Variants in RSPO3 observed in about 807,000 individuals in gnomAD.
The protein encoded by RSPO3 is R-spondin 3.
A neutral mutation model predicts 36.5 loss-of-function variants in RSPO3; 17 were observed. That is an observed-to-expected ratio of 0.47 (90% CI 0.32 to 0.70). The LOEUF is 0.70. Among genes scored for constraint, RSPO3 ranks in the 30% least tolerant of loss-of-function variants. The pLI is 0.04. For missense variants in RSPO3, 294 were observed against 322.5 expected (o/e 0.91, Z 0.68); for synonymous variants, 108 against 107.0 (o/e 1.01, Z -0.06).
Position 127,148,772 on chromosome 6 carries a change from A to G in RSPO3, c.222A>G (p.Gly74=). 11 of 1,613,204 alleles carry G rather than the reference A, an allele frequency of 6.8e-6. No homozygotes were observed. The highest frequency in any genetic ancestry group is 9.3e-6 in the Non-Finnish European group (11 of 1,179,354). ...AAAGAATTGGCATGAAGCAGATTGG[A>G]GTATGTCTCTCTTCATGTCCAAGTG... ...ALERIGMKQI[G]VCLSSCPSGY... is the part of the protein sequence containing the mutation. The change falls in exon 2 of 5, where the codon GGA becomes GGG. Residue 74 remains glycine, a synonymous_variant. Coordinates refer to ENST00000356698, the MANE Select transcript of RSPO3 (RefSeq NM_032784.5).
At chr6:127,190,098 C>T (rs1364481856) in intron 4 of RSPO3, among the ~76,000 whole-genome samples, 2 of 152,150 alleles carry the variant, frequency 1.3e-5, no homozygotes, top group Non-Finnish European at 2.9e-5. Flanking sequence ...AGCAATTCCT[C>T]TTCCTTGCAA....
chr6:127,126,628 C>A (rs1028816753), intron 1 of RSPO3, among the ~76,000 whole-genome samples: 2 of 152,044 alleles, frequency 1.3e-5, no homozygotes, highest in African/African-American at 2.4e-5. Context: ...TAATGAAAGG[C>A]AAGTTTACAT....
intron 1 of RSPO3, among the ~76,000 whole-genome samples, chr6:127,125,631 A>G (rs1773925100): frequency 6.6e-6 from 1 of 152,166 alleles, no homozygotes; most frequent in Non-Finnish European, 1.5e-5. Context: ...TTGAGTACAA[A>G]CAAACATAAA....
chr6:127,125,087 C>T (rs992780776), intron 1 of RSPO3, among the ~76,000 whole-genome samples: 4 of 152,040 alleles, frequency 2.6e-5, no homozygotes, highest in Admixed American at 2.6e-4. Flanking sequence ...CTTTATTTGT[C>T]ACTTGGCAAG....
chr6:127,188,824 G>A (rs1394181108), intron 4 of RSPO3, among the ~76,000 whole-genome samples: 1 of 152,118 alleles, frequency 6.6e-6, no homozygotes, highest in Non-Finnish European at 1.5e-5. Context: ...TCCAAATCTT[G>A]ATTTTTATAA....
chr6:127,130,864 C>A (rs1582786038), intron 1 of RSPO3, among the ~76,000 whole-genome samples: 2 of 151,830 alleles, frequency 1.3e-5, no homozygotes, highest in South Asian at 4.1e-4. Flanking sequence ...TCCAAAAGGA[C>A]CCTCGTTGCT....
At chr6:127,167,606 AGAAT>A (rs1470101038) in intron 4 of RSPO3, among the ~76,000 whole-genome samples, 1 of 151,736 alleles carries the variant, frequency 6.6e-6, no homozygotes, top group Non-Finnish European at 1.5e-5. Flanking sequence ...GCTTTATAAT[AGAAT>A]GATTTTTTTT....
At chr6:127,183,505 G>C (rs1233993869) in intron 4 of RSPO3, among the ~76,000 whole-genome samples, 2 of 151,968 alleles carry the variant, frequency 1.3e-5, no homozygotes, top group African/African-American at 4.8e-5. Context: ...GCATATGAGA[G>C]AGTAACACCA....
intron 1 of RSPO3, among the ~76,000 whole-genome samples, chr6:127,138,906 C>G (rs1350068958): frequency 1.3e-5 from 2 of 152,158 alleles, no homozygotes; most frequent in African/African-American, 2.4e-5. Flanking sequence ...AAACCAGACT[C>G]TAAATGAGTG....
Position 127,119,299 on chromosome 6 carries a change from G to A in RSPO3, c.97+10G>A. On this transcript the variant is annotated intron_variant, in intron 1 of 4. Transcript: ENST00000356698. ...AGGCGCCAGCGAAGAAGTAAGTGCA[G>A]GGTTTTTTACGCGTTTGCTCCCTCC... The A allele has an allele frequency of 6.2e-7, 1 of 1,606,706 alleles. No homozygotes were observed. The highest frequency in any genetic ancestry group is 8.5e-7 in the Non-Finnish European group (1 of 1,174,028).
chr6:127,142,226 G>T (rs1384331141), intron 1 of RSPO3, among the ~76,000 whole-genome samples: 1 of 152,006 alleles, frequency 6.6e-6, no homozygotes, highest in Non-Finnish European at 1.5e-5. Context: ...TTCATATTTT[G>T]CTATCTATAC....
intron 4 of RSPO3, among the ~76,000 whole-genome samples, chr6:127,194,022 G>A (rs531555444): frequency 6.6e-6 from 1 of 152,268 alleles, no homozygotes; most frequent in Admixed American, 6.5e-5. Flanking sequence ...TTGAAGGTAT[G>A]TTGTGCTGAG....
chr6:127,169,797 C>T (rs765961347), intron 4 of RSPO3, among the ~76,000 whole-genome samples: 30 of 151,744 alleles, frequency 2.0e-4, no homozygotes, highest in Middle Eastern at 3.2e-3. Flanking sequence ...ATTTGTGGAG[C>T]TATCCACATA....
At position 127,144,643 on chromosome 6, in the gene RSPO3, G is replaced by GTTTTTTTGTTTTTT. The variant is rs763226451; in HGVS notation, c.98-3998_98-3997insGTTTTTTTTTTTTT. 4.4e-4 allele frequency among the ~76,000 whole-genome samples: 44 copies of GTTTTTTTGTTTTTT among 99,122 alleles called. 8 individuals are homozygous for GTTTTTTTGTTTTTT. Among genetic ancestry groups the GTTTTTTTGTTTTTT allele is most frequent in the South Asian group, 1.1e-3 (3 of 2,852 alleles). The allele number at this position is 99,122 out of a possible 152,430, so 65.0% of individuals were successfully genotyped here. On this transcript the variant is annotated intron_variant, in intron 1 of 4. Coordinates refer to ENST00000356698, the MANE Select transcript of RSPO3 (RefSeq NM_032784.5). ...TGTAATTTTTCAGTAGCTTCCCCTT[G>GTTTTTTTGTTTTTT]TTTTTTTTTTTTTCAGACAGAGTCT...
chr6:127,182,331 T>TTAAGG (rs1775205613), intron 4 of RSPO3, among the ~76,000 whole-genome samples: 1 of 151,924 alleles, frequency 6.6e-6, no homozygotes, highest in South Asian at 2.1e-4. Flanking sequence ...TAACTAGGTC[T>TTAAGG]TAAGGTATAT....
intron 4 of RSPO3, among the ~76,000 whole-genome samples, chr6:127,191,369 G>C (rs1775406794): frequency 6.6e-6 from 1 of 152,070 alleles, no homozygotes; most frequent in Non-Finnish European, 1.5e-5. Context: ...GTGTGAACTT[G>C]TTGTTGACTA....
chr6:127,169,676 A>G lies in RSPO3; in HGVS notation c.634+14238A>G, dbSNP rs528622690. 4.6e-5 allele frequency among the ~76,000 whole-genome samples: 7 copies of G among 152,050 alleles called. No homozygotes were observed. In the South Asian group the frequency reaches 1.4e-3, roughly 31 times the overall value. On this transcript the variant is annotated intron_variant, in intron 4 of 4. Transcript: ENST00000356698. ...TATCACAAAGCTGGTAATGACAGAA[A>G]AGAAATGTGAATCCCAGTGCATTAT... is the stretch of plus-strand genomic sequence containing the variant.
rs111613528 is a variant in RSPO3 at position 127,121,292 on chromosome 6, G to T, written c.97+2003G>T. On this transcript the variant is annotated intron_variant, in intron 1 of 4. Coordinates refer to ENST00000356698, the MANE Select transcript of RSPO3 (RefSeq NM_032784.5). The stretch of plus-strand genomic sequence containing the variant: ...ACCACGGCGCAGGAAGCTTTCCCCG[G>T]GCGCTGCCTCAGGGAGCTGTGGGAT... Among the ~76,000 whole-genome samples the T allele has an allele frequency of 7.8e-3, 1,185 of 152,318 alleles. 13 individuals carry two copies. The highest frequency in any genetic ancestry group is 0.027 in the African/African-American group (1,129 of 41,568).
chr6:127,140,860 C>T (rs568599049), intron 1 of RSPO3, among the ~76,000 whole-genome samples: 1 of 152,274 alleles, frequency 6.6e-6, no homozygotes, highest in East Asian at 1.9e-4. Context: ...GTTTGCATTG[C>T]TGGTGCTCTA....
Sources: gnomAD v4.1 joint callset for allele counts (sites outside exome capture counted in the v4.1 genomes callset) on GRCh38, gnomAD v4.1.1 for gene constraint, MANE v1.5 for transcripts, NCBI Gene and HGNC (gene_info 2026-07-23, HGNC 2026-07-21) for gene names.